Variants in GIPC2 observed in about 807,000 individuals in gnomAD.
The protein encoded by GIPC2 is PDZ domain-containing protein GIPC2.
GIPC2 carries 30 observed loss-of-function variants against 30.6 expected under a neutral mutation model. The observed-to-expected ratio is 0.98, with a 90% CI of 0.73 to 1.33. The LOEUF (loss-of-function observed/expected upper bound fraction) is 1.33. Among genes scored for constraint, GIPC2 ranks in the 40% most tolerant of loss-of-function variants. The pLI, the probability that GIPC2 is intolerant of heterozygous loss-of-function variation, is 0.00. For synonymous variants in GIPC2, 167 were observed against 150.0 expected (o/e 1.11, Z -0.83); for missense variants, 414 against 390.3 (o/e 1.06, Z -0.51).
At chr1:78,070,745 C>T (rs1189950403) in intron 1 of GIPC2, among the ~76,000 whole-genome samples, 1 of 152,034 alleles carries the variant, frequency 6.6e-6, no homozygotes, top group Non-Finnish European at 1.5e-5. Flanking sequence ...GCTGGGAAGT[C>T]ATTTGGTAGA....
intron 1 of GIPC2, among the ~76,000 whole-genome samples, chr1:78,049,956 G>C (rs2102632774): frequency 7.0e-6 from 1 of 143,196 alleles, no homozygotes; most frequent in African/African-American, 2.6e-5. Context: ...AAGTGCAACG[G>C]TGTGATCGTG....
At chr1:78,069,942 T>C (rs1467390069) in intron 1 of GIPC2, among the ~76,000 whole-genome samples, 1 of 152,154 alleles carries the variant, frequency 6.6e-6, no homozygotes. Context: ...TAGACTGTCT[T>C]CCCCCATCAC....
chr1:78,134,204 A>G (rs1571535258), intron 5 of GIPC2, among the ~76,000 whole-genome samples: 2 of 152,212 alleles, frequency 1.3e-5, no homozygotes, highest in African/African-American at 2.4e-5. Flanking sequence ...GGAGATATAT[A>G]TATATTTCCA....
At chr1:78,091,588 G>A in intron 2 of GIPC2, 1 of 761,490 alleles carries the variant, frequency 1.3e-6, no homozygotes, top group Non-Finnish European at 2.5e-6. Flanking sequence ...AGTCCTTCGC[G>A]ATCTTCTTCG....
chr1:78,117,161 A>G (rs7515450), intron 3 of GIPC2, among the ~76,000 whole-genome samples: 5 of 152,020 alleles, frequency 3.3e-5, no homozygotes, highest in Non-Finnish European at 5.9e-5. Flanking sequence ...AAACAACCTC[A>G]TGAAAAAGTG....
intron 4 of GIPC2, among the ~76,000 whole-genome samples, chr1:78,125,063 G>A (rs1662757822): frequency 6.6e-6 from 1 of 152,120 alleles, no homozygotes; most frequent in Admixed American, 6.6e-5. Flanking sequence ...ACAGGGTCTT[G>A]TCCTGTTGCC....
At chr1:78,055,306 G>C (rs901369748) in intron 1 of GIPC2, among the ~76,000 whole-genome samples, 1 of 152,056 alleles carries the variant, frequency 6.6e-6, no homozygotes, top group Non-Finnish European at 1.5e-5. Context: ...ACCGTCACCT[G>C]GTAGGAGGTG....
chr1:78,063,548 C>T (rs1293514523), intron 1 of GIPC2, among the ~76,000 whole-genome samples: 1 of 150,722 alleles, frequency 6.6e-6, no homozygotes, highest in Non-Finnish European at 1.5e-5. Flanking sequence ...TTGCTTGTAT[C>T]TACTTGTAGT....
At chr1:78,050,768 A>G (rs6424668) in intron 1 of GIPC2, among the ~76,000 whole-genome samples, 133,611 of 151,856 alleles carry the variant, frequency 0.88, 58,935 homozygotes, top group Middle Eastern at 0.93. Flanking sequence ...CTGAGTAGCT[A>G]GGACTACAGG....
chr1:78,118,659 C>G (rs1000797702), intron 3 of GIPC2, among the ~76,000 whole-genome samples: 2 of 152,158 alleles, frequency 1.3e-5, no homozygotes, highest in Admixed American at 6.5e-5. Context: ...CTTTCAGGCT[C>G]TTTTTCTTTT....
intron 3 of GIPC2, among the ~76,000 whole-genome samples, chr1:78,095,847 G>A (rs1218568086): frequency 6.6e-6 from 1 of 152,140 alleles, no homozygotes; most frequent in Admixed American, 6.5e-5. Flanking sequence ...CAGGCTTGCT[G>A]TTACTCATCA....
intron 2 of GIPC2, chr1:78,091,904 T>C: frequency 2.5e-6 from 2 of 805,154 alleles, no homozygotes; most frequent in South Asian, 2.7e-5. Context: ...AGCTACAACA[T>C]TTTCCATTTT....
chr1:78,101,281 G>T (rs890258929), intron 3 of GIPC2, among the ~76,000 whole-genome samples: 5 of 152,154 alleles, frequency 3.3e-5, no homozygotes, highest in African/African-American at 1.2e-4. Flanking sequence ...TTCCCAAGTT[G>T]GCTGTGGGGC....
At chr1:78,115,687 T>C (rs1320466500) in intron 3 of GIPC2, among the ~76,000 whole-genome samples, 2 of 152,226 alleles carry the variant, frequency 1.3e-5, no homozygotes, top group Non-Finnish European at 2.9e-5. Flanking sequence ...CTGATACAGC[T>C]CTGGTCTCCT....
intron 2 of GIPC2, 41 bp from the exon 3 acceptor site, chr1:78,094,911 C>T (rs1030701945): frequency 1.2e-5 from 16 of 1,372,832 alleles, no homozygotes; most frequent in Non-Finnish European, 1.5e-5. Flanking sequence ...ATTCATTACA[C>T]AGTTCTATTT....
At chr1:78,045,934 G>A (rs1165670692), upstream of GIPC2, 5 of 1,357,408 alleles carry the variant, frequency 3.7e-6, no homozygotes, top group Non-Finnish European at 4.7e-6. Context: ...CCGGTCCAGG[G>A]GTGGAGGTCG....
At chr1:78,075,136 A>G (rs976244811) in intron 1 of GIPC2, among the ~76,000 whole-genome samples, 1 of 152,178 alleles carries the variant, frequency 6.6e-6, no homozygotes, top group Non-Finnish European at 1.5e-5. Context: ...CAAACTGGCT[A>G]AACCAAGATA....
intron 3 of GIPC2, among the ~76,000 whole-genome samples, chr1:78,111,398 A>T (rs1216772709): frequency 6.6e-6 from 1 of 152,112 alleles, no homozygotes; most frequent in African/African-American, 2.4e-5. Flanking sequence ...ACACTCATCC[A>T]CTTTAGAGGA....
chr1:78,075,209 C>T (rs536321336), intron 1 of GIPC2, among the ~76,000 whole-genome samples: 14 of 152,268 alleles, frequency 9.2e-5, no homozygotes, highest in South Asian at 2.1e-4. Context: ...GTAATCCCAG[C>T]GCTTTTGGAG....
Sources: allele counts gnomAD v4.1 joint callset (sites outside exome capture counted in the v4.1 genomes callset), GRCh38; gene constraint gnomAD v4.1.1; transcripts MANE v1.5; gene names NCBI Gene and HGNC (gene_info 2026-07-23, HGNC 2026-07-21).